SPARC: variants seen among roughly 807,000 people sequenced by gnomAD.
The protein encoded by SPARC is basement-membrane protein 40.
Under a neutral mutation model 37.7 loss-of-function variants are expected in SPARC, and 23 were observed. The ratio of observed to expected loss-of-function variants is 0.61; its 90% confidence interval spans 0.44 to 0.87. The LOEUF (loss-of-function observed/expected upper bound fraction) is 0.87. Ranked by LOEUF, SPARC falls within the 40% of genes least tolerant of loss-of-function variation. SPARC has a pLI of 0.00. For missense variants in SPARC, 312 were observed against 389.0 expected, an observed-to-expected ratio of 0.80 and a Z score of 1.66; for synonymous variants, 155 against 150.8, an observed-to-expected ratio of 1.03 and a Z score of -0.20.
intron 7 of SPARC, 110 bp downstream of exon 7, chr5:151,667,357 T>G (rs753429759): frequency 1.9e-5 from 24 of 1,236,364 alleles, no homozygotes; most frequent in Non-Finnish European, 2.8e-5. Flanking sequence ...TGCTCAGGGG[T>G]AAATGCACGC....
In SPARC at chr5:151,671,610, G is replaced by A. The variant is rs142378176; in HGVS notation, c.293C>T (p.Pro98Leu). The change falls in exon 5 of 10, where the codon CCC (proline) becomes CTC (leucine). Residue 98 changes from proline (P) to leucine (L), a missense_variant. Transcript: ENST00000231061. ...NNTPMCVCQD[P>L]TSCPAPIGEF... is the part of the protein sequence containing the mutation. ...GCCAATGGGGGCTGGGCAGCTGGTG[G>A]GGTCCTGGCACACGCACATGGGGGT... 1.3e-6 allele frequency: 2 copies of A among 1,597,018 alleles called. No individual in the cohort carries two copies. The highest frequency in any genetic ancestry group is 1.7e-6 in the Non-Finnish European group (2 of 1,171,744).
In SPARC at chr5:151,663,544, G is replaced by T; in HGVS notation, c.*27C>A. 1 of 1,610,014 alleles carries T rather than the reference G, an allele frequency of 6.2e-7. No homozygotes were observed. Among genetic ancestry groups the T allele is most frequent in the South Asian group, 1.1e-5 (1 of 90,894 alleles). ...AACACGAAGGGGAGGGTTAAAGAGAGAATCCGGTACTGTGGAAGGAGTGGA... is the reference window on the plus strand; with the variant it reads ...AACACGAAGGGGAGGGTTAAAGAGATAATCCGGTACTGTGGAAGGAGTGGA... On this transcript the variant is annotated 3_prime_UTR_variant, in exon 10 of 10. Coordinates refer to ENST00000231061, the MANE Select transcript of SPARC (RefSeq NM_003118.4).
At chr5:151,682,461 G>A (rs1761017957) in intron 1 of SPARC, among the ~76,000 whole-genome samples, 1 of 152,236 alleles carries the variant, frequency 6.6e-6, no homozygotes. Flanking sequence ...CCCAAAGATA[G>A]CAAATATGTG....
intron 7 of SPARC, 113 bp downstream of exon 7, chr5:151,667,354 G>T: frequency 8.4e-7 from 1 of 1,190,620 alleles, no homozygotes; most frequent in Non-Finnish European, 1.2e-6. Context: ...TGGTGCTCAG[G>T]GGTAAATGCA....
In SPARC at chr5:151,663,974, G is replaced by T. The variant is rs543412879; in HGVS notation, c.883+113C>A. On this transcript the variant is annotated intron_variant, in intron 9 of 9. Coordinates refer to ENST00000231061, the MANE Select transcript of SPARC (RefSeq NM_003118.4). ...TAGGCAGAGAGAGCAGAGACAGGCA[G>T]AGAGGACAGACAACAGACAGACCAA... The T allele has an allele frequency of 2.0e-5, 26 of 1,276,612 alleles. No homozygotes were observed. In the South Asian group the frequency reaches 3.1e-4, roughly 15 times the overall value. The allele number at this position is 1,276,612 out of a possible 1,614,324, so 79.1% of individuals were successfully genotyped here.
chr5:151,665,438 G>T (rs192063317), intron 8 of SPARC, among the ~76,000 whole-genome samples: 20 of 152,330 alleles, frequency 1.3e-4, no homozygotes, highest in Middle Eastern at 3.4e-3. Flanking sequence ...TCACTGGCAG[G>T]GTTGGCAGAC....
rs1188908749 is a variant in SPARC, at chr5:151,661,351, T to A, written c.*2220A>T. ...AGATTCCTAGAGATTATGAGACTAG[T>A]GCTGGGCTTGCATTCCTCAAATGGC... On this transcript the variant is annotated 3_prime_UTR_variant, in exon 10 of 10. Transcript: ENST00000231061. 1.3e-5 allele frequency: 2 copies of A among 152,200 alleles called. No homozygotes were observed. Among genetic ancestry groups the A allele is most frequent in the African/African-American group, 2.4e-5 (1 of 41,450 alleles). The allele number at this position is 152,200 out of a possible 1,614,324, so 9.4% of individuals were successfully genotyped here.
Position 151,662,888 on chromosome 5 carries a change from A to G in SPARC, c.*683T>C, listed in dbSNP as rs1328948187. On this transcript the variant is annotated 3_prime_UTR_variant, in exon 10 of 10. Coordinates refer to ENST00000231061, the MANE Select transcript of SPARC (RefSeq NM_003118.4). ...AGAACTGACAGTCCGTGCTCCCAAA[A>G]GTTTGAACCAACAGCCTAATGTGAA... 6.6e-6 allele frequency: 1 copy of G among 152,322 alleles called. No homozygotes were observed. The highest frequency in any genetic ancestry group is 2.4e-5 in the African/African-American group (1 of 41,464). The allele number at this position is 152,322 out of a possible 1,614,324, so 9.4% of individuals were successfully genotyped here.
At position 151,666,364 on chromosome 5, in the gene SPARC, T is replaced by A; in HGVS notation, c.731A>T (p.Asp244Val). Reference protein sequence around the residue: ...QFGQLDQHPIDGYLSHTELAP... With the variant: ...QFGQLDQHPIVGYLSHTELAP... ...ACTCTAGGGTCTGGGGTCTTACCCGTCAATGGGGTGCTGGTCCAGCTGGCC... is the reference window on the plus strand; with the variant it reads ...ACTCTAGGGTCTGGGGTCTTACCCGACAATGGGGTGCTGGTCCAGCTGGCC... Residue 244 changes from aspartate to valine, a missense_variant, in exon 8 of 10, where the codon GAC becomes GTC. Asp to Val is a radical substitution (Grantham distance 152). Coordinates refer to ENST00000231061, the MANE Select transcript of SPARC (RefSeq NM_003118.4). 1 of 1,613,770 alleles carries A rather than the reference T, an allele frequency of 6.2e-7. No individual in the cohort carries two copies. Among genetic ancestry groups the A allele is most frequent in the South Asian group, 1.1e-5 (1 of 91,044 alleles).
chr5:151,671,290 C>A (rs1321702273), intron 5 of SPARC, among the ~76,000 whole-genome samples: 3 of 152,108 alleles, frequency 2.0e-5, no homozygotes, highest in Admixed American at 1.3e-4. Flanking sequence ...TATTTTTGGA[C>A]CTGATTCTTT....
chr5:151,680,216 C>CTT lies in SPARC; in HGVS notation c.-13-4017_-13-4016dup, dbSNP rs58021431. On this transcript the variant is annotated intron_variant, in intron 1 of 9. Coordinates refer to ENST00000231061, the MANE Select transcript of SPARC (RefSeq NM_003118.4). ...TGCAATAGAGAATAGTGGAAAACAT[C>CTT]TTTTTTTTTTTTTTTTTTTTTTTTT... 3.3e-3 allele frequency among the ~76,000 whole-genome samples: 205 copies of CTT among 61,966 alleles called. 50 individuals are homozygous for CTT. The highest frequency in any genetic ancestry group is 0.017 in the Middle Eastern group (1 of 60). 40.7% of individuals were successfully genotyped at this position (61,966 alleles called of 152,430 possible).
chr5:151,666,271 G>C (rs1760617150), intron 8 of SPARC, 90 bp downstream of exon 8: 1 of 1,317,702 alleles, frequency 7.6e-7, no homozygotes, highest in East Asian at 2.4e-5. Flanking sequence ...CCAGGGCTTG[G>C]AGCAGTATAG....
intron 1 of SPARC, among the ~76,000 whole-genome samples, chr5:151,677,301 T>A (rs1029758523): frequency 4.6e-5 from 7 of 152,100 alleles, no homozygotes; most frequent in Non-Finnish European, 8.8e-5. Context: ...GTCTACCCCA[T>A]CTCCCCTGCA....
intron 1 of SPARC, among the ~76,000 whole-genome samples, chr5:151,678,749 A>G (rs1760918707): frequency 1.3e-5 from 2 of 152,236 alleles, no homozygotes; most frequent in Non-Finnish European, 2.9e-5. Context: ...TAAGAACAGA[A>G]CGCAAAATCT....
At chr5:151,678,340 C>T (rs2113110490) in intron 1 of SPARC, among the ~76,000 whole-genome samples, 1 of 152,324 alleles carries the variant, frequency 6.6e-6, no homozygotes, top group African/African-American at 2.4e-5. Flanking sequence ...CGCTGGGCGG[C>T]TCTTCTGTCT....
intron 6 of SPARC, 123 bp from the exon 7 acceptor site, chr5:151,667,723 C>T: frequency 1.9e-6 from 2 of 1,051,286 alleles, no homozygotes; most frequent in Non-Finnish European, 2.8e-6. Flanking sequence ...TCAACCTCTC[C>T]AGGCCACAGT....
In SPARC at chr5:151,661,890, T is replaced by A. The variant is rs1374735551; in HGVS notation, c.*1681A>T. 2.0e-5 allele frequency: 3 copies of A among 152,188 alleles called. No individual in the cohort carries two copies. The highest frequency in any genetic ancestry group is 7.2e-5 in the African/African-American group (3 of 41,446). The allele number at this position is 152,188 out of a possible 1,614,324, so 9.4% of individuals were successfully genotyped here. On this transcript the variant is annotated 3_prime_UTR_variant, in exon 10 of 10. Transcript: ENST00000231061. ...GCTGCCGTACGGAACAGTACAGCAC[T>A]AGAATAATGCTGTGTCCTCCTGTTA...
At chr5:151,682,488 C>T (rs1761018459) in intron 1 of SPARC, among the ~76,000 whole-genome samples, 1 of 152,164 alleles carries the variant, frequency 6.6e-6, no homozygotes, top group Non-Finnish European at 1.5e-5. Context: ...GTGACAAACA[C>T]GTGGCCTCCA....
In SPARC at chr5:151,673,123, A is replaced by T; in HGVS notation, c.208+6T>A. 6.2e-7 allele frequency: 1 copy of T among 1,609,030 alleles called. No individual in the cohort carries two copies. Among genetic ancestry groups the T allele is most frequent in the Non-Finnish European group, 8.5e-7 (1 of 1,175,310 alleles). On this transcript the variant is annotated splice_donor_region_variant and intron_variant, in intron 4 of 9. Coordinates refer to ENST00000231061, the MANE Select transcript of SPARC (RefSeq NM_003118.4). ...GGATGTGCCAAGTTACAGGGAAGGG[A>T]CATACTTTCCGCCACCACCTCCTCT...
Sources: allele counts gnomAD v4.1 joint callset (sites outside exome capture counted in the v4.1 genomes callset), GRCh38; gene constraint gnomAD v4.1.1; transcripts MANE v1.5; gene names NCBI Gene and HGNC (gene_info 2026-07-23, HGNC 2026-07-21).